Variants in TG observed in about 807,000 individuals in gnomAD.
TG encodes thyroglobulin, also known as thyroid hormones.
A neutral mutation model predicts 324.7 loss-of-function variants in TG; 270 were observed. That is an observed-to-expected ratio of 0.83 (90% CI 0.75 to 0.92). The LOEUF (loss-of-function observed/expected upper bound fraction) is 0.92. TG is among the 40% of genes least tolerant of loss of function. The pLI is 0.00. For missense variants in TG, 3,591 were observed against 3,456.4 expected (o/e 1.04, Z -0.98); for synonymous variants, 1,401 against 1,327.0 (o/e 1.06, Z -1.21).
At chr8:132,900,379 C>T (rs1177410300) in intron 15 of TG, 40 bp downstream of exon 15, 1 of 1,558,022 alleles carries the variant, frequency 6.4e-7, no homozygotes, top group African/African-American at 1.4e-5. Context: ...CTCACCTCTT[C>T]TGTGGGGCAC....
chr8:132,913,386 A>G lies in TG; in HGVS notation c.4378+121A>G, dbSNP rs540025624. On this transcript the variant is annotated intron_variant, in intron 20 of 47. Transcript: ENST00000220616. ...AGGGCTGAGAACCATCCATTTAGTT[A>G]ACGAGCAAAAGTTTTCAATCATCTA... is the stretch of plus-strand genomic sequence containing the variant. The G allele has an allele frequency of 6.6e-6, 7 of 1,060,546 alleles. No individual in the cohort carries two copies. In the African/African-American group the frequency reaches 9.4e-5, roughly 14 times the overall value. The allele number at this position is 1,060,546 out of a possible 1,614,324, so 65.7% of individuals were successfully genotyped here. A position where few individuals can be genotyped will look rare whatever the true frequency, so the allele number is the denominator to read the frequency against.
At chr8:133,052,272 A>G (rs1840548119) in intron 41 of TG, among the ~76,000 whole-genome samples, 2 of 152,176 alleles carry the variant, frequency 1.3e-5, no homozygotes, top group African/African-American at 4.8e-5. Flanking sequence ...TCGATTGATA[A>G]ATAAATTAGA....
chr8:132,911,265 G>A, intron 18 of TG, 112 bp from the exon 19 acceptor site: 3 of 1,586,172 alleles, frequency 1.9e-6, no homozygotes, highest in Non-Finnish European at 2.6e-6. Context: ...AAGTAGGGTT[G>A]GTGGAGGATT....
At chr8:133,000,400 C>G (rs1049122251) in intron 35 of TG, among the ~76,000 whole-genome samples, 1 of 152,228 alleles carries the variant, frequency 6.6e-6, no homozygotes, top group Non-Finnish European at 1.5e-5. Context: ...AGAAGCTCTG[C>G]TTTACGGTTC....
chr8:132,985,584 A>G (rs1831416857), intron 35 of TG, among the ~76,000 whole-genome samples: 1 of 152,208 alleles, frequency 6.6e-6, no homozygotes, highest in Admixed American at 6.5e-5. Context: ...GGCCATGTAA[A>G]TATGGTTCAC....
At chr8:132,999,161 A>C (rs1047452576) in intron 35 of TG, among the ~76,000 whole-genome samples, 1 of 152,176 alleles carries the variant, frequency 6.6e-6, no homozygotes, top group Non-Finnish European at 1.5e-5. Context: ...CAGTGCAACA[A>C]CGTGAGTTGG....
At chr8:133,016,250 C>T (rs1160221234) in intron 37 of TG, among the ~76,000 whole-genome samples, 2 of 152,226 alleles carry the variant, frequency 1.3e-5, no homozygotes, top group Non-Finnish European at 2.9e-5. Flanking sequence ...CCAGGCTTCT[C>T]AACCTCAGAA....
chr8:132,910,582 C>T (rs1819372518), intron 18 of TG, among the ~76,000 whole-genome samples: 2 of 122,434 alleles, frequency 1.6e-5, no homozygotes, highest in African/African-American at 2.5e-5. Context: ...GGTTAGTGTC[C>T]TTATAAAAGA....
At chr8:132,893,153 ATG>A (rs1163603153) in intron 10 of TG, among the ~76,000 whole-genome samples, 3 of 63,854 alleles carry the variant, frequency 4.7e-5, no homozygotes, top group African/African-American at 6.6e-5. Context: ...ATTTGTGTGT[ATG>A]TGTGGTGAGT....
At chr8:133,070,018 AAAAAAAAAG>A (rs1354238836) in intron 41 of TG, among the ~76,000 whole-genome samples, 9 of 95,660 alleles carry the variant, frequency 9.4e-5, no homozygotes, top group African/African-American at 2.4e-4. Context: ...AAAAAAAAAA[AAAAAAAAAG>A]AAAGAAAGAA....
rs765157522 is a variant in TG at position 132,913,182 on chromosome 8, C to A, written c.4295C>A (p.Thr1432Asn). ...IRFLQGDHFG[T>N]SPRTWFGCSE... ...TTCCTCCAAGGGGACCACTTTGGCA[C>A]CTCTCCCAGGACATGGTTTGGGTGC... The change falls in exon 20 of 48, where the codon ACC becomes AAC. Residue 1432 changes from threonine to asparagine, a missense_variant. By Grantham distance (65) the Thr-to-Asn change is moderately conservative. Coordinates refer to ENST00000220616, the MANE Select transcript of TG (RefSeq NM_003235.5). 2 of 1,614,160 alleles carry A rather than the reference C, an allele frequency of 1.2e-6. No individual in the cohort carries two copies. Among genetic ancestry groups the A allele is most frequent in the South Asian group, 2.2e-5 (2 of 91,082 alleles).
At chr8:132,916,973 C>A (rs1272613191) in intron 20 of TG, among the ~76,000 whole-genome samples, 1 of 150,284 alleles carries the variant, frequency 6.7e-6, no homozygotes, top group Non-Finnish European at 1.5e-5. Flanking sequence ...TTACTTCTTT[C>A]CTTCCTTCCT....
chr8:133,009,017 G>C (rs1044397684), intron 35 of TG, among the ~76,000 whole-genome samples: 4 of 152,206 alleles, frequency 2.6e-5, no homozygotes, highest in Non-Finnish European at 5.9e-5. Flanking sequence ...TGCAGGCCAG[G>C]GGACAGTGGC....
intron 8 of TG, among the ~76,000 whole-genome samples, chr8:132,884,858 A>G (rs894555600): frequency 5.3e-5 from 8 of 150,998 alleles, no homozygotes; most frequent in African/African-American, 1.7e-4. Context: ...GTAACACTAC[A>G]TAACAAATGG....
intron 41 of TG, among the ~76,000 whole-genome samples, chr8:133,088,320 G>T (rs1334234712): frequency 2.6e-5 from 4 of 152,152 alleles, no homozygotes; most frequent in Non-Finnish European, 5.9e-5. Flanking sequence ...TTGCTGATGA[G>T]TGGCCATCCA....
At chr8:133,053,019 G>A (rs896604589) in intron 41 of TG, among the ~76,000 whole-genome samples, 6 of 152,118 alleles carry the variant, frequency 3.9e-5, no homozygotes, top group East Asian at 1.9e-4. Context: ...GTGCTGCCTC[G>A]GCTACATGTG....
In TG at chr8:132,893,839, G is replaced by T. The variant is rs376439881; in HGVS notation, c.2911G>T (p.Gly971Cys). The change falls in exon 11 of 48, where the codon GGC becomes TGC. Residue 971 changes from glycine (G) to cysteine (C), a missense_variant. Coordinates refer to ENST00000220616, the MANE Select transcript of TG (RefSeq NM_003235.5). ...KGIRLRNEDL[G>C]LPPLFPPREA... ...AATCCGGCTGAGGAATGAGGACCTC[G>T]GCCTTCCTCCGCTCTTCCCGCCCCG... The T allele has an allele frequency of 6.2e-7, 1 of 1,613,996 alleles. No homozygotes were observed. The highest frequency in any genetic ancestry group is 1.3e-5 in the African/African-American group (1 of 74,962).
At chr8:133,098,416 G>A (rs1462728306) in intron 43 of TG, among the ~76,000 whole-genome samples, 1 of 152,124 alleles carries the variant, frequency 6.6e-6, no homozygotes, top group Non-Finnish European at 1.5e-5. Context: ...AACACTGTCC[G>A]CCCTGGAGAC....
intron 43 of TG, chr8:133,106,543 C>A: frequency 2.5e-6 from 2 of 809,808 alleles, no homozygotes; most frequent in Non-Finnish European, 3.0e-6. Flanking sequence ...CTCCTCTGCC[C>A]TCATCACTCC....
Sources: gnomAD v4.1 joint callset for allele counts (sites outside exome capture counted in the v4.1 genomes callset) on GRCh38, gnomAD v4.1.1 for gene constraint, MANE v1.5 for transcripts, NCBI Gene and HGNC (gene_info 2026-07-23, HGNC 2026-07-21) for gene names.